The following CAMTA1 variants were observed in gnomAD, a reference collection of about 807,000 sequenced individuals.
CAMTA1 encodes the protein calmodulin binding transcription activator 1.
Under a neutral mutation model 170.9 loss-of-function variants are expected in CAMTA1, and 27 were observed. The ratio of observed to expected loss-of-function variants is 0.16; its 90% CI spans 0.12 to 0.22. The LOEUF (loss-of-function observed/expected upper bound fraction) is 0.22, where lower values mean the gene tolerates loss of function less well. Ranked by LOEUF, CAMTA1 falls within the 10% of genes least tolerant of loss-of-function variation. The pLI, the probability that CAMTA1 is intolerant of heterozygous loss-of-function variation, is 1.00. For missense variants in CAMTA1, 1,619 were observed against 2,217.2 expected (o/e 0.73, Z 5.42); for synonymous variants, 833 against 891.5 (o/e 0.93, Z 1.17).
chr1:7,757,053 C>A (rs2096936706), intron 22 of CAMTA1, among the ~76,000 whole-genome samples: 1 of 152,124 alleles, frequency 6.6e-6, no homozygotes, highest in African/African-American at 2.4e-5. Context: ...TACACTAATA[C>A]TTTATTTAGT....
chr1:7,508,361 T>C (rs1460500890), intron 6 of CAMTA1, among the ~76,000 whole-genome samples: 1 of 152,222 alleles, frequency 6.6e-6, no homozygotes, highest in Non-Finnish European at 1.5e-5. Flanking sequence ...GACGTGGGGC[T>C]GGTGAGGCTT....
At chr1:6,931,041 C>A (rs1305193499) in intron 3 of CAMTA1, among the ~76,000 whole-genome samples, 2 of 152,190 alleles carry the variant, frequency 1.3e-5, no homozygotes, top group Non-Finnish European at 2.9e-5. Flanking sequence ...TTCCCTGGGG[C>A]ATAGATGCCT....
At chr1:7,080,129 A>G (rs564845427) in intron 3 of CAMTA1, among the ~76,000 whole-genome samples, 2 of 152,364 alleles carry the variant, frequency 1.3e-5, no homozygotes, top group South Asian at 2.1e-4. Context: ...ATGGGATAAC[A>G]CAATTGTAGT....
intron 6 of CAMTA1, among the ~76,000 whole-genome samples, chr1:7,528,190 A>G (rs2094451354): frequency 6.6e-6 from 1 of 152,046 alleles, no homozygotes. Context: ...TTTTCCACGC[A>G]TTTCTTTTTC....
In CAMTA1 at chr1:7,002,694, T is replaced by G. The variant is rs114179697; in HGVS notation, c.235-88610T>G. 5.2e-3 allele frequency among the ~76,000 whole-genome samples: 785 copies of G among 152,334 alleles called. 5 individuals carry two copies. The highest frequency in any genetic ancestry group is 0.018 in the African/African-American group (738 of 41,574). On this transcript the variant is annotated intron_variant, in intron 3 of 22. Coordinates refer to ENST00000303635, the MANE Select transcript of CAMTA1 (RefSeq NM_015215.4). ...TCAACCGACAGTGCATCTCCTTGAT[T>G]GTACTACCATCTAGCCCATGTGCCT...
intron 3 of CAMTA1, among the ~76,000 whole-genome samples, chr1:6,899,550 G>GCACA (rs1223938454): frequency 2.0e-4 from 17 of 85,106 alleles, no homozygotes; most frequent in African/African-American, 4.5e-4. Context: ...GCGCACGCGC[G>GCACA]CGCGCACACA....
At chr1:7,130,900 T>C (rs1645210666) in intron 4 of CAMTA1, among the ~76,000 whole-genome samples, 1 of 152,220 alleles carries the variant, frequency 6.6e-6, no homozygotes, top group Non-Finnish European at 1.5e-5. Context: ...TAGATATGAA[T>C]TCTTTGTTGG....
chr1:7,416,015 A>T (rs2091142297), intron 5 of CAMTA1, among the ~76,000 whole-genome samples: 1 of 152,092 alleles, frequency 6.6e-6, no homozygotes, highest in Non-Finnish European at 1.5e-5. Flanking sequence ...TCCTTCACTT[A>T]TGAAGCTTAG....
In CAMTA1 at chr1:6,905,645, C is replaced by G. The variant is rs1409658378; in HGVS notation, c.234+80435C>G. On this transcript the variant is annotated intron_variant, in intron 3 of 22. Transcript: ENST00000303635. ...TGCACTTGGGTAAAGGCTTCACATTCAAGTTTCAGTTAAACTCTCCCTCTT... is the reference window on the plus strand; with the variant it reads ...TGCACTTGGGTAAAGGCTTCACATTGAAGTTTCAGTTAAACTCTCCCTCTT... 2.0e-5 allele frequency among the ~76,000 whole-genome samples: 3 copies of G among 152,180 alleles called. No individual in the cohort carries two copies. The East Asian group carries it at 5.8e-4, about 29-fold the overall frequency.
At chr1:7,750,532 C>T (rs2096889317) in intron 19 of CAMTA1, among the ~76,000 whole-genome samples, 1 of 152,264 alleles carries the variant, frequency 6.6e-6, no homozygotes, top group Non-Finnish European at 1.5e-5. Flanking sequence ...TCGTCCCTCA[C>T]TTCTGTAGCT....
intron 11 of CAMTA1, among the ~76,000 whole-genome samples, chr1:7,724,866 C>T (rs2096673506): frequency 6.6e-6 from 1 of 150,902 alleles, no homozygotes; most frequent in Admixed American, 6.6e-5. Flanking sequence ...ATTTCATCCT[C>T]ACAAACAAGA....
chr1:7,135,028 A>G (rs1023699846), intron 4 of CAMTA1, among the ~76,000 whole-genome samples: 7 of 152,214 alleles, frequency 4.6e-5, no homozygotes, highest in African/African-American at 1.7e-4. Context: ...ATGAATCATC[A>G]GAGAGATACA....
chr1:7,422,570 C>T (rs2091636104), intron 5 of CAMTA1, among the ~76,000 whole-genome samples: 1 of 152,180 alleles, frequency 6.6e-6, no homozygotes, highest in South Asian at 2.1e-4. Context: ...GATGATACAT[C>T]TTTTAGACAA....
intron 9 of CAMTA1, among the ~76,000 whole-genome samples, chr1:7,668,580 C>T (rs2096025043): frequency 6.6e-6 from 1 of 152,090 alleles, no homozygotes; most frequent in Admixed American, 6.5e-5. Context: ...TCATCTCCCA[C>T]CACTGACACT....
chr1:6,945,765 T>C (rs190337156), intron 3 of CAMTA1, among the ~76,000 whole-genome samples: 20 of 152,380 alleles, frequency 1.3e-4, no homozygotes, highest in Non-Finnish European at 2.4e-4. Flanking sequence ...GTATGGTCTT[T>C]TGTGCCTGGC....
chr1:7,582,198 A>C (rs970571641), intron 6 of CAMTA1, among the ~76,000 whole-genome samples: 2 of 152,236 alleles, frequency 1.3e-5, no homozygotes, highest in Non-Finnish European at 2.9e-5. Flanking sequence ...GGAAACAGCA[A>C]CAGCCATAAA....
chr1:7,690,583 G>A (rs1026778254), intron 11 of CAMTA1, among the ~76,000 whole-genome samples: 1 of 152,188 alleles, frequency 6.6e-6, no homozygotes, highest in African/African-American at 2.4e-5. Context: ...TGAGCCACCA[G>A]GATTGTTTCT....
intron 7 of CAMTA1, among the ~76,000 whole-genome samples, chr1:7,655,716 T>C (rs4908665): frequency 6.6e-6 from 1 of 151,808 alleles, no homozygotes; most frequent in Non-Finnish European, 1.5e-5. Flanking sequence ...CACATCTATA[T>C]ACACATACAC....
intron 9 of CAMTA1, 90 bp from the exon 10 acceptor site, chr1:7,670,821 T>A: frequency 6.8e-7 from 1 of 1,462,974 alleles, no homozygotes; most frequent in Non-Finnish European, 9.4e-7. Flanking sequence ...CAGACCCCCA[T>A]CTGAGCAGTG....
Sources: allele counts gnomAD v4.1 joint callset (sites outside exome capture counted in the v4.1 genomes callset), GRCh38; gene constraint gnomAD v4.1.1; transcripts MANE v1.5; gene names NCBI Gene and HGNC (gene_info 2026-07-23, HGNC 2026-07-21).